SCUBE1: variants seen among roughly 807,000 people sequenced by gnomAD.
SCUBE1 encodes signal peptide, CUB domain and EGF like domain containing 1.
In SCUBE1, 59 loss-of-function variants were observed where a neutral mutation model predicts 124.4. The ratio of observed to expected loss-of-function variants is 0.47; its 90% CI spans 0.38 to 0.59. SCUBE1 has a LOEUF of 0.59. Among genes scored for constraint, SCUBE1 ranks in the 20% least tolerant of loss-of-function variants. The pLI is 0.00. For synonymous variants in SCUBE1, 545 were observed against 550.9 expected (o/e 0.99, Z 0.15); for missense variants, 1,150 against 1,371.2 (o/e 0.84, Z 2.55).
intron 4 of SCUBE1, 129 bp from the exon 5 acceptor site, chr22:43,262,974 C>T (rs1923928178): frequency 3.2e-6 from 3 of 935,432 alleles, no homozygotes; most frequent in Admixed American, 2.2e-5. Context: ...GTATCATGCA[C>T]ACACACGCAC....
At chr22:43,207,640 G>A (rs1478482069) in intron 20 of SCUBE1, 27 bp from the exon 21 acceptor site, 2 of 1,581,972 alleles carry the variant, frequency 1.3e-6, no homozygotes, top group South Asian at 1.1e-5. Flanking sequence ...CAGGGGGAGA[G>A]GAAGGCGAGG....
chr22:43,207,971 A>G (rs1183803658), intron 20 of SCUBE1, 101 bp downstream of exon 20: 1 of 1,318,578 alleles, frequency 7.6e-7, no homozygotes, highest in Non-Finnish European at 1.1e-6. Flanking sequence ...TGTACCTGCC[A>G]GGTCGCAGCT....
At chr22:43,312,023 G>A (rs1926188108) in intron 3 of SCUBE1, among the ~76,000 whole-genome samples, 1 of 152,190 alleles carries the variant, frequency 6.6e-6, no homozygotes, top group Non-Finnish European at 1.5e-5. Context: ...GTGGTATGGG[G>A]TGGAGCCAAG....
intron 5 of SCUBE1, among the ~76,000 whole-genome samples, chr22:43,259,660 G>A (rs770939085): frequency 9.2e-5 from 14 of 152,292 alleles, no homozygotes; most frequent in South Asian, 2.1e-4. Flanking sequence ...TCTCCACAGC[G>A]GGCGAGGAGG....
chr22:43,266,376 G>C (rs1440505852), intron 4 of SCUBE1, among the ~76,000 whole-genome samples: 1 of 152,082 alleles, frequency 6.6e-6, no homozygotes. Flanking sequence ...TGCCTGGCCT[G>C]GGGGCTGACT....
At chr22:43,304,368 G>A (rs1288817568) in intron 3 of SCUBE1, among the ~76,000 whole-genome samples, 2 of 152,220 alleles carry the variant, frequency 1.3e-5, no homozygotes, top group Non-Finnish European at 2.9e-5. Flanking sequence ...CGAGGCCAAG[G>A]CCTGCCCTCA....
rs368730111 is a variant in SCUBE1, at chr22:43,339,036, A to C, written c.220+68T>G. The C allele has an allele frequency of 3.6e-5, 57 of 1,579,056 alleles. No homozygotes were observed. In the African/African-American group the frequency reaches 7.1e-4, roughly 20 times the overall value. On this transcript the variant is annotated intron_variant, in intron 2 of 21. Coordinates refer to ENST00000360835, the MANE Select transcript of SCUBE1 (RefSeq NM_173050.5). ...AGCCCCAGCTGGTGATGAATGGGGCAGGCATCGGCCACCTACAGCAGCCCT... is the reference window on the plus strand; with the variant it reads ...AGCCCCAGCTGGTGATGAATGGGGCCGGCATCGGCCACCTACAGCAGCCCT...
chr22:43,240,333 C>T (rs1249177661), intron 6 of SCUBE1, among the ~76,000 whole-genome samples: 1 of 152,210 alleles, frequency 6.6e-6, no homozygotes, highest in African/African-American at 2.4e-5. Context: ...TTTGCCCTCC[C>T]ATCTCCTGCC....
chr22:43,207,710 A>G, intron 20 of SCUBE1, 97 bp from the exon 21 acceptor site: 1 of 946,210 alleles, frequency 1.1e-6, no homozygotes, highest in Non-Finnish European at 1.7e-6. Flanking sequence ...CCTGTGCTCC[A>G]GCCACGGGCT....
intron 4 of SCUBE1, among the ~76,000 whole-genome samples, chr22:43,286,466 C>T (rs906100933): frequency 6.6e-6 from 1 of 152,258 alleles, no homozygotes; most frequent in Non-Finnish European, 1.5e-5. Context: ...GCAGGACAGC[C>T]TCCTGCATGG....
chr22:43,331,868 G>A (rs573427268), intron 2 of SCUBE1, among the ~76,000 whole-genome samples: 144 of 152,328 alleles, frequency 9.5e-4, no homozygotes, highest in Non-Finnish European at 1.8e-3. Context: ...CGGATGAGCC[G>A]GGGATGAACA....
chr22:43,199,308 TC>T lies in SCUBE1; in HGVS notation c.*4688del, dbSNP rs756132250. ...GTATGGCTTAAACAGGCCAGGGGCC[TC>T]CTGCCGTGGACAAGCCCAGGGGACA... On this transcript the variant is annotated 3_prime_UTR_variant, in exon 22 of 22. Transcript: ENST00000360835. 5.1e-4 allele frequency: 81 copies of T among 157,960 alleles called. 1 individual carries two copies. Among genetic ancestry groups the T allele is most frequent in the Non-Finnish European group, 8.6e-4 (62 of 72,172 alleles). 9.8% of individuals were successfully genotyped at this position (157,960 alleles called of 1,614,324 possible).
At position 43,208,092 on chromosome 22, in the gene SCUBE1, A is replaced by G. The variant is rs1921373513; in HGVS notation, c.2714T>C (p.Val905Ala). The G allele has an allele frequency of 6.2e-7, 1 of 1,613,992 alleles. No homozygotes were observed. Among genetic ancestry groups the G allele is most frequent in the Non-Finnish European group, 8.5e-7 (1 of 1,180,022 alleles). ...CTTACCATCGTAGGTGACATAGGGCACTTGGAAGCCTTTGCCGCTGTTGCC... is the reference window on the plus strand; with the variant it reads ...CTTACCATCGTAGGTGACATAGGGCGCTTGGAAGCCTTTGCCGCTGTTGCC... ...NEGNSGKGFQ[V>A]PYVTYDEDYQ... The change falls in exon 20 of 22, where the codon GTG becomes GCG. Residue 905 changes from valine (V) to alanine (A), a missense_variant. Val to Ala is a moderately conservative substitution (Grantham distance 64). Transcript: ENST00000360835.
intron 6 of SCUBE1, among the ~76,000 whole-genome samples, chr22:43,253,827 C>T (rs1029678577): frequency 6.9e-5 from 9 of 129,966 alleles, no homozygotes; most frequent in African/African-American, 2.8e-4. Context: ...AGCTCCTGGT[C>T]CTGCCTGGCT....
chr22:43,343,242 C>G lies in SCUBE1; in HGVS notation c.20G>C (p.Arg7Pro). 3 of 1,191,802 alleles carry G rather than the reference C, an allele frequency of 2.5e-6. No individual in the cohort carries two copies. The highest frequency in any genetic ancestry group is 3.1e-6 in the Non-Finnish European group (3 of 957,696). 73.8% of individuals were successfully genotyped at this position (1,191,802 alleles called of 1,614,324 possible). A position where few individuals can be genotyped will look rare whatever the true frequency, so the allele number is the denominator to read the frequency against. Residue 7 changes from arginine to proline, a missense_variant, in exon 1 of 22, where the codon CGC (arginine) becomes CCC (proline). Around this residue, in one of 3 missense-constraint regions of SCUBE1, gnomAD observed 56 missense variants for 48.1 expected, o/e 1.16. Transcript: ENST00000360835. MGAAAV[R>P]WHLCVLLALG... The stretch of plus-strand genomic sequence containing the variant: ...GGCCAGCAGCACGCACAAGTGCCAG[C>G]GCACGGCCGCCGCGCCCATGCTCAA...
At chr22:43,223,066 A>C (rs146622274) in intron 11 of SCUBE1, 31 bp downstream of exon 11, 2 of 1,506,694 alleles carry the variant, frequency 1.3e-6, no homozygotes, top group African/African-American at 2.8e-5. Context: ...CCCCTGCCAC[A>C]GCATCCCATC....
chr22:43,316,061 C>T (rs930491872), intron 3 of SCUBE1, among the ~76,000 whole-genome samples: 1 of 152,184 alleles, frequency 6.6e-6, no homozygotes, highest in Non-Finnish European at 1.5e-5. Flanking sequence ...AACCACTCCA[C>T]ATCAACACAT....
intron 8 of SCUBE1, among the ~76,000 whole-genome samples, chr22:43,229,704 A>G (rs1569502309): frequency 1.3e-5 from 2 of 152,176 alleles, no homozygotes; most frequent in Non-Finnish European, 1.5e-5. Context: ...GAAATATGCC[A>G]CCCATAAAGG....
At chr22:43,320,778 C>T (rs1479612685) in intron 2 of SCUBE1, among the ~76,000 whole-genome samples, 2 of 152,242 alleles carry the variant, frequency 1.3e-5, no homozygotes, top group Non-Finnish European at 2.9e-5. Context: ...ACTGAAGAAA[C>T]CAAGGCACAG....
Sources: allele counts gnomAD v4.1 joint callset (sites outside exome capture counted in the v4.1 genomes callset), GRCh38; gene constraint gnomAD v4.1.1; regional missense constraint gnomAD v4.1.1; transcripts MANE v1.5; gene names NCBI Gene and HGNC (gene_info 2026-07-23, HGNC 2026-07-21).